Variants in CAMK1D observed in about 807,000 individuals in gnomAD.
The protein encoded by CAMK1D is calcium/calmodulin dependent protein kinase ID, also known as calcium/calmodulin-dependent protein kinase type 1D.
A neutral mutation model predicts 47.7 loss-of-function variants in CAMK1D; 9 were observed. That is an observed-to-expected ratio of 0.19 (90% CI 0.11 to 0.33). The LOEUF (loss-of-function observed/expected upper bound fraction) is 0.33, where lower values mean the gene tolerates loss of function less well. Among genes scored for constraint, CAMK1D ranks in the 10% least tolerant of loss-of-function variants. The probability of loss-of-function intolerance (pLI) is 1.00; values close to 1 mark genes in which losing one functional copy is unlikely to be tolerated. For missense variants in CAMK1D, 291 were observed against 488.7 expected (o/e 0.60, Z 3.81); for synonymous variants, 184 against 184.9 (o/e 0.99, Z 0.04).
chr10:12,828,648 A>AC, intron 10 of CAMK1D, 121 bp from the exon 11 acceptor site: 1 of 593,240 alleles, frequency 1.7e-6, no homozygotes, highest in Admixed American at 3.2e-5. Context: ...CTCAAGAAAA[A>AC]AAAAAAATTG....
intron 2 of CAMK1D, among the ~76,000 whole-genome samples, chr10:12,660,327 G>T (rs1173018138): frequency 6.6e-6 from 1 of 152,064 alleles, no homozygotes; most frequent in Non-Finnish European, 1.5e-5. Context: ...TTGAACTGGG[G>T]TACATGAGGC....
At chr10:12,350,007 C>A in intron 1 of CAMK1D, 97 bp downstream of exon 1, 1 of 540,036 alleles carries the variant, frequency 1.9e-6, no homozygotes, top group South Asian at 2.3e-5. Context: ...CGGCAGAAAC[C>A]CAGCCTGTCA....
intron 1 of CAMK1D, among the ~76,000 whole-genome samples, chr10:12,428,811 G>A (rs1448735530): frequency 6.6e-6 from 1 of 152,188 alleles, no homozygotes; most frequent in Non-Finnish European, 1.5e-5. Context: ...TAAAGGGGGA[G>A]CCCTCCTGAA....
chr10:12,479,344 G>A (rs564629419), intron 1 of CAMK1D, among the ~76,000 whole-genome samples: 112 of 151,986 alleles, frequency 7.4e-4, no homozygotes, highest in Middle Eastern at 3.4e-3. Context: ...TTGCAGGTGC[G>A]CACCACCACG....
intron 2 of CAMK1D, among the ~76,000 whole-genome samples, chr10:12,599,426 G>GTGT (rs1174766287): frequency 3.3e-5 from 5 of 152,172 alleles, no homozygotes; most frequent in Non-Finnish European, 1.5e-5. Flanking sequence ...ATCCTAGGAG[G>GTGT]TGTTGTGACC....
In CAMK1D at chr10:12,835,031, A is replaced by G. The variant is rs1430077102; in HGVS notation, c.*6144A>G. 2 of 152,242 alleles carry G rather than the reference A, an allele frequency of 1.3e-5. No homozygotes were observed. Among genetic ancestry groups the G allele is most frequent in the Non-Finnish European group, 2.9e-5 (2 of 68,052 alleles). The allele number at this position is 152,242 out of a possible 1,614,324, so 9.4% of individuals were successfully genotyped here. A position where few individuals can be genotyped will look rare whatever the true frequency, so the allele number is the denominator to read the frequency against. On this transcript the variant is annotated 3_prime_UTR_variant, in exon 11 of 11. Coordinates refer to ENST00000619168, the MANE Select transcript of CAMK1D (RefSeq NM_153498.4). The stretch of plus-strand genomic sequence containing the variant: ...CGAATGGTGGCAGAAATGCAGCGAC[A>G]TTGCATGCAGCAGAGTCTTTGCTTC...
At chr10:12,740,564 CT>C (rs1835383414) in intron 3 of CAMK1D, among the ~76,000 whole-genome samples, 1 of 152,100 alleles carries the variant, frequency 6.6e-6, no homozygotes, top group Non-Finnish European at 1.5e-5. Flanking sequence ...TGCCACTGCG[CT>C]CCAGCCTGGG....
chr10:12,692,900 G>T (rs1832985182), intron 3 of CAMK1D, among the ~76,000 whole-genome samples: 1 of 152,212 alleles, frequency 6.6e-6, no homozygotes, highest in Non-Finnish European at 1.5e-5. Context: ...GTTTGAAGGA[G>T]CTGTGATGGC....
chr10:12,355,680 C>T (rs952916825), intron 1 of CAMK1D, among the ~76,000 whole-genome samples: 9 of 152,120 alleles, frequency 5.9e-5, no homozygotes, highest in South Asian at 2.1e-4. Flanking sequence ...AGGGTATCCC[C>T]GCTGCAGTCT....
At chr10:12,785,476 C>T (rs990713132) in intron 5 of CAMK1D, among the ~76,000 whole-genome samples, 6 of 152,146 alleles carry the variant, frequency 3.9e-5, no homozygotes, top group Non-Finnish European at 5.9e-5. Flanking sequence ...CTGCTGCATA[C>T]GATTAGAATA....
chr10:12,821,283 T>C (rs1833001992), intron 8 of CAMK1D, among the ~76,000 whole-genome samples: 1 of 152,202 alleles, frequency 6.6e-6, no homozygotes, highest in Non-Finnish European at 1.5e-5. Context: ...ATCTAAAAAA[T>C]ACTTTCCCAG....
chr10:12,646,384 G>A (rs56405073), intron 2 of CAMK1D, among the ~76,000 whole-genome samples: 3,169 of 152,064 alleles, frequency 0.021, 111 homozygotes, highest in African/African-American at 0.073. Context: ...AATAGTAAAC[G>A]TTTTTTTCTC....
Position 12,722,821 on chromosome 10 carries a change from A to G in CAMK1D, c.300-38127A>G, listed in dbSNP as rs542083282. Among the ~76,000 whole-genome samples, 25 of 152,360 alleles carry G rather than the reference A, an allele frequency of 1.6e-4. 1 individual carries two copies. The South Asian group carries it at 4.8e-3, about 29-fold the overall frequency. The stretch of plus-strand genomic sequence containing the variant: ...CTGATCACTAAAAAGGATGTGATCT[A>G]TTGGGAACTACTTGGAACAAGAGTG... On this transcript the variant is annotated intron_variant, in intron 3 of 10. Coordinates refer to ENST00000619168, the MANE Select transcript of CAMK1D (RefSeq NM_153498.4).
At chr10:12,462,444 A>C (rs11257808) in intron 1 of CAMK1D, among the ~76,000 whole-genome samples, 1 of 151,080 alleles carries the variant, frequency 6.6e-6, no homozygotes, top group South Asian at 2.1e-4. Flanking sequence ...GATTATAGGC[A>C]TGAGCCACTG....
At chr10:12,616,792 C>G (rs778279280) in intron 2 of CAMK1D, among the ~76,000 whole-genome samples, 11 of 152,296 alleles carry the variant, frequency 7.2e-5, no homozygotes, top group Middle Eastern at 6.8e-3. Flanking sequence ...GCTGAGATGA[C>G]AGGCCTGAGC....
chr10:12,759,727 A>G (rs942757007), intron 3 of CAMK1D, among the ~76,000 whole-genome samples: 1 of 152,186 alleles, frequency 6.6e-6, no homozygotes, highest in Non-Finnish European at 1.5e-5. Flanking sequence ...TGCTATGACT[A>G]TAGGTAATGG....
chr10:12,754,501 A>G (rs1342489648), intron 3 of CAMK1D, among the ~76,000 whole-genome samples: 1 of 152,248 alleles, frequency 6.6e-6, no homozygotes, highest in Non-Finnish European at 1.5e-5. Flanking sequence ...TGGGAAAAAT[A>G]TATAAAGAGA....
At chr10:12,548,653 C>G (rs891079656) in intron 1 of CAMK1D, among the ~76,000 whole-genome samples, 1 of 151,840 alleles carries the variant, frequency 6.6e-6, no homozygotes, top group African/African-American at 2.4e-5. Context: ...TTTCTAGAGA[C>G]AGCATTTTGC....
chr10:12,734,540 ATGTATATATGTATATATATACACATATG>A (rs1179896014), intron 3 of CAMK1D, among the ~76,000 whole-genome samples: 4 of 147,024 alleles, frequency 2.7e-5, no homozygotes, highest in South Asian at 4.3e-4. Context: ...ATACACACAT[ATGTATATATGTATATATATACACATATG>A]TGTATATATA....
Sources: allele counts gnomAD v4.1 joint callset (sites outside exome capture counted in the v4.1 genomes callset), GRCh38; gene constraint gnomAD v4.1.1; transcripts MANE v1.5; gene names NCBI Gene and HGNC (gene_info 2026-07-23, HGNC 2026-07-21).